Variants in HSPH1 observed in about 807,000 individuals in gnomAD.
HSPH1 encodes the protein heat shock protein family H (Hsp110) member 1.
Under a neutral mutation model 100.0 loss-of-function variants are expected in HSPH1, and 40 were observed. The ratio of observed to expected loss-of-function variants is 0.40; its 90% CI spans 0.31 to 0.52. The LOEUF is 0.52. Ranked by LOEUF, HSPH1 falls within the 20% of genes least tolerant of loss-of-function variation. The probability of loss-of-function intolerance (pLI) is 0.54; values close to 1 mark genes in which losing one functional copy is unlikely to be tolerated. For synonymous variants in HSPH1, 403 were observed against 344.0 expected (o/e 1.17, Z -1.90); for missense variants, 876 against 1,015.1 (o/e 0.86, Z 1.86).
chr13:31,162,311 C>T (rs1465088914), upstream of HSPH1: 1 of 591,856 alleles, frequency 1.7e-6, no homozygotes, highest in Admixed American at 3.0e-5. Flanking sequence ...GCAGAGACCC[C>T]AGACACCGGG....
intron 11 of HSPH1, 63 bp from the exon 12 acceptor site, chr13:31,143,986 G>T: frequency 7.4e-7 from 1 of 1,357,260 alleles, no homozygotes; most frequent in South Asian, 1.8e-5. Flanking sequence ...AATTTTTAAA[G>T]TTAAAGGGCA....
chr13:31,148,236 T>C (rs1050641440), intron 9 of HSPH1, 138 bp downstream of exon 9: 1 of 1,085,314 alleles, frequency 9.2e-7, no homozygotes, highest in Non-Finnish European at 1.4e-6. Flanking sequence ...AATATTTTGG[T>C]AGATTTGGTT....
chr13:31,143,771 T>A, intron 12 of HSPH1, 21 bp downstream of exon 12: 1 of 1,587,992 alleles, frequency 6.3e-7, no homozygotes, highest in South Asian at 1.2e-5. Context: ...TCTAATGGAA[T>A]GAACTAGAAG....
intron 2 of HSPH1, among the ~76,000 whole-genome samples, chr13:31,156,901 A>C (rs1956719037): frequency 6.6e-6 from 1 of 152,202 alleles, no homozygotes; most frequent in Non-Finnish European, 1.5e-5. Flanking sequence ...CAAATATTTT[A>C]GGTAAACTCT....
chr13:31,143,902 T>C lies in HSPH1; in HGVS notation c.1606A>G (p.Ser536Gly), dbSNP rs1188034883. 7.5e-6 allele frequency: 12 copies of C among 1,604,716 alleles called. No individual in the cohort carries two copies. In the Middle Eastern group the frequency reaches 1.2e-3, roughly 155 times the overall value. ...ACCTGGGGCTGTGTTCCAGCTTCAC[T>C]GTTGTCTTGCTGGACATTTTTCTGA... is the stretch of plus-strand genomic sequence containing the variant. ...DTDKNVQQDN[S>G]EAGTQPQVQT... Residue 536 changes from serine to glycine, a missense_variant, in exon 12 of 18, where the codon AGT becomes GGT. Ser to Gly is a moderately conservative substitution (Grantham distance 56). Transcript: ENST00000320027.
At chr13:31,151,464 C>T in intron 6 of HSPH1, 145 bp downstream of exon 6, 1 of 765,138 alleles carries the variant, frequency 1.3e-6, no homozygotes, top group South Asian at 2.1e-5. Flanking sequence ...TGGAGCTCAA[C>T]CTTAGCAACC....
intron 2 of HSPH1, among the ~76,000 whole-genome samples, chr13:31,158,175 G>A (rs182993824): frequency 6.6e-6 from 1 of 152,100 alleles, no homozygotes; most frequent in Admixed American, 6.5e-5. Context: ...TGAGTATCAC[G>A]AGAAACTTCA....
chr13:31,143,963 G>A (rs749717232), intron 11 of HSPH1, 40 bp from the exon 12 acceptor site: 14 of 1,492,238 alleles, frequency 9.4e-6, no homozygotes, highest in Non-Finnish European at 1.3e-5. Context: ...TAGAAAGCAG[G>A]TGTACTTGTA....
intron 5 of HSPH1, 57 bp from the exon 6 acceptor site, chr13:31,151,799 T>C (rs1956498020): frequency 5.4e-6 from 8 of 1,481,942 alleles, no homozygotes; most frequent in Non-Finnish European, 7.4e-6. Flanking sequence ...GGAATCTCAC[T>C]GTTACATAAA....
chr13:31,138,436 G>A lies in HSPH1; in HGVS notation c.2341C>T (p.Arg781Cys), dbSNP rs145547203. ...ATTTTTGTTTTAATTTCCTGAGCAC[G>A]TACAACTGGATCCTGATCAAGACTC... ...KKSLDQDPVV[R>C]AQEIKTKIKE... is the part of the protein sequence containing the mutation. The change falls in exon 17 of 18, where the codon CGT (arginine) becomes TGT (cysteine). Residue 781 changes from arginine (R) to cysteine (C), a missense_variant. Arg to Cys is a radical substitution (Grantham distance 180). Transcript: ENST00000320027. 21 of 1,612,786 alleles carry A rather than the reference G, an allele frequency of 1.3e-5. No homozygotes were observed. The African/African-American group carries it at 2.0e-4, about 15-fold the overall frequency.
intron 10 of HSPH1, 137 bp from the exon 11 acceptor site, chr13:31,145,905 C>T (rs1956250850): frequency 2.9e-6 from 2 of 683,892 alleles, no homozygotes; most frequent in East Asian, 5.4e-5. Flanking sequence ...CACTTGAGCC[C>T]AAGAGTTTGA....
In HSPH1 at chr13:31,161,530, G is replaced by A. The variant is rs764401946; in HGVS notation, c.53C>T (p.Ala18Val). The part of the protein sequence containing the change: ...VGSQSCYIAV[A>V]RAGGIETIAN... The stretch of plus-strand genomic sequence containing the variant: ...GATGGTCTCGATGCCCCCGGCCCGG[G>A]CTACCGCGATGTAGCAGCTCTGCGA... The change falls in exon 1 of 18, where the codon GCC becomes GTC. Residue 18 changes from alanine to valine, a missense_variant. Coordinates refer to ENST00000320027, the MANE Select transcript of HSPH1 (RefSeq NM_006644.4). The A allele has an allele frequency of 3.8e-5, 61 of 1,613,844 alleles. No homozygotes were observed. The highest frequency in any genetic ancestry group is 5.2e-5 in the Non-Finnish European group (61 of 1,179,950).
upstream of HSPH1, chr13:31,162,159 C>T: frequency 1.4e-6 from 2 of 1,436,848 alleles, no homozygotes; most frequent in Non-Finnish European, 1.9e-6. Flanking sequence ...CCGCCCTAGC[C>T]ACAGGCGTTT....
intron 13 of HSPH1, chr13:31,140,530 TAC>T (rs555852463): frequency 6.4e-6 from 2 of 312,380 alleles, no homozygotes; most frequent in African/African-American, 2.2e-5. Flanking sequence ...TGTAACCGAT[TAC>T]ACAGACTTCA....
chr13:31,141,120 A>G lies in HSPH1; in HGVS notation c.1854+2T>C. ...ATAAAAATATTTAATTGAAGTACTT[A>G]CCTCTGTCTCAATATACATGTTAAG... On this transcript the variant is annotated splice_donor_variant, in intron 13 of 17. Transcript: ENST00000320027. LOFTEE classifies it high-confidence loss of function. The G allele has an allele frequency of 6.4e-7, 1 of 1,561,202 alleles. No individual in the cohort carries two copies. Among genetic ancestry groups the G allele is most frequent in the Non-Finnish European group, 8.7e-7 (1 of 1,150,600 alleles).
Position 31,161,770 on chromosome 13 carries a change from G to A in HSPH1, c.-188C>T. 6.6e-7 allele frequency: 1 copy of A among 1,507,036 alleles called. No homozygotes were observed. The highest frequency in any genetic ancestry group is 8.9e-7 in the Non-Finnish European group (1 of 1,129,362). 93.4% of individuals were successfully genotyped at this position (1,507,036 alleles called of 1,614,324 possible). A position where few individuals can be genotyped will look rare whatever the true frequency, so the allele number is the denominator to read the frequency against. The stretch of plus-strand genomic sequence containing the variant: ...TGTCAGGAGCCTCCTACTCCCCCGG[G>A]GACAGCGGCGGCTGGCTGATAAGAA... On this transcript the variant is annotated 5_prime_UTR_variant, in exon 1 of 18. Transcript: ENST00000320027.
At chr13:31,148,133 TA>T (rs1313808148) in intron 9 of HSPH1, 41 bp from the exon 10 acceptor site, 1 of 1,572,752 alleles carries the variant, frequency 6.4e-7, no homozygotes, top group East Asian at 2.2e-5. Context: ...ATGAAGAACT[TA>T]AAATATGCTT....
chr13:31,154,849 C>A, intron 3 of HSPH1, 94 bp from the exon 4 acceptor site: 7 of 1,022,316 alleles, frequency 6.8e-6, no homozygotes, highest in East Asian at 2.6e-5. Context: ...TTCCCTTCCA[C>A]AAAATCTTTA....
At chr13:31,157,172 G>A (rs1449125802) in intron 2 of HSPH1, among the ~76,000 whole-genome samples, 1 of 152,214 alleles carries the variant, frequency 6.6e-6, no homozygotes, top group Non-Finnish European at 1.5e-5. Flanking sequence ...AAACTGAGAT[G>A]AAGTATGTCT....
Sources: allele counts gnomAD v4.1 joint callset (sites outside exome capture counted in the v4.1 genomes callset), GRCh38; gene constraint gnomAD v4.1.1; transcripts MANE v1.5; gene names NCBI Gene and HGNC (gene_info 2026-07-23, HGNC 2026-07-21).